RPRD2: variants seen among roughly 807,000 people sequenced by gnomAD.
The protein encoded by RPRD2 is regulation of nuclear pre-mRNA domain-containing protein 2.
RPRD2 carries 12 observed loss-of-function variants against 104.4 expected under a neutral mutation model. The ratio of observed to expected loss-of-function variants is 0.11; its 90% CI spans 0.07 to 0.19. The LOEUF (loss-of-function observed/expected upper bound fraction) is 0.19, where lower values mean the gene tolerates loss of function less well. Ranked by LOEUF, RPRD2 falls within the 10% of genes least tolerant of loss-of-function variation. The pLI, the probability that RPRD2 is intolerant of heterozygous loss-of-function variation, is 1.00. For synonymous variants in RPRD2, 714 were observed against 684.9 expected, an observed-to-expected ratio of 1.04 and a Z score of -0.66; for missense variants, 1,543 against 1,790.1, an observed-to-expected ratio of 0.86 and a Z score of 2.49.
chr1:150,470,518 A>T, intron 10 of RPRD2, 43 bp from the exon 11 acceptor site: 1 of 1,574,476 alleles, frequency 6.4e-7, no homozygotes, highest in Non-Finnish European at 8.6e-7. Context: ...ATTGTATGAT[A>T]GGGAGTTGTT....
intron 10 of RPRD2, among the ~76,000 whole-genome samples, chr1:150,468,281 G>C (rs898009580): frequency 6.6e-6 from 1 of 151,214 alleles, no homozygotes. Flanking sequence ...CTTGAGGCCA[G>C]GAGTTTGAGA....
chr1:150,439,510 A>G (rs782607473), intron 2 of RPRD2, among the ~76,000 whole-genome samples: 1 of 152,158 alleles, frequency 6.6e-6, no homozygotes, highest in Non-Finnish European at 1.5e-5. Context: ...GGTTTAATAC[A>G]ATTTTCTCTG....
In RPRD2 at chr1:150,473,839, CTG is replaced by C. The variant is rs1234981122; in HGVS notation, c.*509_*510del. The C allele has an allele frequency of 6.6e-6, 1 of 152,326 alleles. No homozygotes were observed. Among genetic ancestry groups the C allele is most frequent in the Non-Finnish European group, 1.5e-5 (1 of 68,146 alleles). The allele number at this position is 152,326 out of a possible 1,614,324, so 9.4% of individuals were successfully genotyped here. ...CAGCTCGGCTCCCTTCCCTGTGTAT[CTG>C]TGTCCTGCTAACAGCCAAGAGATGT... On this transcript the variant is annotated 3_prime_UTR_variant, in exon 11 of 11. Transcript: ENST00000369068.
At chr1:150,431,473 A>ATTTTTTTTGTTTTTTTTTTTTTTTTTTT (rs1665570694) in intron 2 of RPRD2, among the ~76,000 whole-genome samples, 1 of 78,850 alleles carries the variant, frequency 1.3e-5, no homozygotes, top group African/African-American at 4.5e-5. Context: ...AAAAGGAAGG[A>ATTTTTTTTGTTTTTTTTTTTTTTTTTTT]TTTTTTTTTT....
intron 10 of RPRD2, among the ~76,000 whole-genome samples, chr1:150,465,225 C>T (rs1020941210): frequency 2.0e-5 from 3 of 152,068 alleles, no homozygotes; most frequent in Non-Finnish European, 4.4e-5. Flanking sequence ...TCTCAGCTCA[C>T]TGCAACCTCA....
chr1:150,417,765 A>T, intron 2 of RPRD2, 40 bp downstream of exon 2: 1 of 1,476,798 alleles, frequency 6.8e-7, no homozygotes, highest in Non-Finnish European at 9.1e-7. Context: ...CTAAACTTAG[A>T]CAACTTAGAA....
chr1:150,369,622 A>G (rs1337747053), intron 1 of RPRD2, among the ~76,000 whole-genome samples: 1 of 49,662 alleles, frequency 2.0e-5, no homozygotes, highest in Non-Finnish European at 4.7e-5. Flanking sequence ...GCGCCCAGCT[A>G]ATTTTTTTTT....
chr1:150,458,062 C>T (rs1667659591), intron 8 of RPRD2, among the ~76,000 whole-genome samples: 1 of 152,052 alleles, frequency 6.6e-6, no homozygotes, highest in African/African-American at 2.4e-5. Context: ...GAGCGAGACT[C>T]CGTCTTGGGG....
chr1:150,412,125 A>G (rs1015335195), intron 1 of RPRD2, among the ~76,000 whole-genome samples: 6 of 150,866 alleles, frequency 4.0e-5, no homozygotes, highest in African/African-American at 1.5e-4. Context: ...TAAGTCTCCA[A>G]AAAAAAGAAT....
Position 150,443,241 on chromosome 1 carries a change from T to C in RPRD2, c.525T>C (p.Asn175=). ...KQWKKSQTST[N]PKAALKSKIV... is the part of the protein sequence containing the mutation. ...GTTTAATTCCAACAGCATCTACAAA[T>C]CCAAAAGCTGCTCTCAAGTCTAAGA... Residue 175 remains asparagine, a synonymous_variant, in exon 5 of 11, where the codon AAT becomes AAC. Transcript: ENST00000369068. The C allele has an allele frequency of 6.3e-7, 1 of 1,577,296 alleles. No individual in the cohort carries two copies. Among genetic ancestry groups the C allele is most frequent in the Non-Finnish European group, 8.6e-7 (1 of 1,159,762 alleles).
chr1:150,456,242 A>T (rs1235933792), intron 7 of RPRD2, among the ~76,000 whole-genome samples: 1 of 151,942 alleles, frequency 6.6e-6, no homozygotes, highest in Non-Finnish European at 1.5e-5. Flanking sequence ...TACCTAGAAG[A>T]TACATTTAGG....
At chr1:150,462,447 A>G (rs1668000163) in intron 9 of RPRD2, among the ~76,000 whole-genome samples, 1 of 143,166 alleles carries the variant, frequency 7.0e-6, no homozygotes, top group African/African-American at 2.7e-5. Flanking sequence ...TCTTGTCTCA[A>G]AAAAAAACAA....
chr1:150,368,205 GTT>G (rs10572674), intron 1 of RPRD2, among the ~76,000 whole-genome samples: 21,979 of 112,616 alleles, frequency 0.2, 1,648 homozygotes, highest in African/African-American at 0.22. Context: ...CTTATTTCTT[GTT>G]TTTTTTTTTT....
At chr1:150,365,063 C>T (rs959141925) in intron 1 of RPRD2, 144 bp downstream of exon 1, 9 of 739,046 alleles carry the variant, frequency 1.2e-5, no homozygotes, top group Non-Finnish European at 2.0e-5. Context: ...GTCCCAAACC[C>T]AGACTCCATT....
At chr1:150,460,692 C>T (rs975054515) in intron 9 of RPRD2, among the ~76,000 whole-genome samples, 5 of 150,382 alleles carry the variant, frequency 3.3e-5, no homozygotes, top group South Asian at 2.1e-4. Flanking sequence ...CGTGAGTCAC[C>T]GTGCCCAGTC....
chr1:150,475,941 AGTT>A lies in RPRD2; in HGVS notation c.*2610_*2612del, dbSNP rs1444635558. The A allele has an allele frequency of 1.3e-5, 2 of 152,240 alleles. No homozygotes were observed. The highest frequency in any genetic ancestry group is 2.9e-5 in the Non-Finnish European group (2 of 68,046). The allele number at this position is 152,240 out of a possible 1,614,324, so 9.4% of individuals were successfully genotyped here. A position where few individuals can be genotyped will look rare whatever the true frequency, so the allele number is the denominator to read the frequency against. On this transcript the variant is annotated 3_prime_UTR_variant, in exon 11 of 11. Transcript: ENST00000369068. ...ATTCATATGGAAGCAGAATGTGAGA[AGTT>A]GTAAGGTCCTTGGTACTCACTGTAA...
chr1:150,473,472 A>G lies in RPRD2; in HGVS notation c.*138A>G. On this transcript the variant is annotated 3_prime_UTR_variant, in exon 11 of 11. Coordinates refer to ENST00000369068, the MANE Select transcript of RPRD2 (RefSeq NM_015203.5). ...AACAAAGGGCCTCTCTTCCAAAGTA[A>G]GAAATCACATACGCTTACGTTTTAC... 4.0e-6 allele frequency: 3 copies of G among 741,454 alleles called. No individual in the cohort carries two copies. Among genetic ancestry groups the G allele is most frequent in the Non-Finnish European group, 6.2e-6 (3 of 482,322 alleles). The allele number at this position is 741,454 out of a possible 1,614,324, so 45.9% of individuals were successfully genotyped here. A position where few individuals can be genotyped will look rare whatever the true frequency, so the allele number is the denominator to read the frequency against.
At chr1:150,373,302 C>T (rs1295569945) in intron 1 of RPRD2, among the ~76,000 whole-genome samples, 1 of 151,948 alleles carries the variant, frequency 6.6e-6, no homozygotes, top group African/African-American at 2.4e-5. Context: ...GCGTGAGCCA[C>T]CACGCCTGGC....
chr1:150,406,291 T>C (rs1663466121), intron 1 of RPRD2, among the ~76,000 whole-genome samples: 1 of 152,184 alleles, frequency 6.6e-6, no homozygotes, highest in Admixed American at 6.5e-5. Flanking sequence ...ACTAGGGGTC[T>C]TAGAACATAT....
Sources: allele counts gnomAD v4.1 joint callset (sites outside exome capture counted in the v4.1 genomes callset), GRCh38; gene constraint gnomAD v4.1.1; transcripts MANE v1.5; gene names NCBI Gene and HGNC (gene_info 2026-07-23, HGNC 2026-07-21).